The following THSD4 variants were observed in gnomAD, a reference collection of about 807,000 sequenced individuals.
THSD4 encodes the protein thrombospondin type 1 domain containing 4.
THSD4 carries 69 observed loss-of-function variants against 119.0 expected under a neutral mutation model. The observed-to-expected ratio is 0.58, with a 90% confidence interval of 0.48 to 0.71. The LOEUF is 0.71. Among genes scored for constraint, THSD4 ranks in the 30% least tolerant of loss-of-function variants. THSD4 has a pLI of 0.00. For synonymous variants in THSD4, 524 were observed against 540.4 expected, an observed-to-expected ratio of 0.97 and a Z score of 0.42; for missense variants, 1,393 against 1,391.1, an observed-to-expected ratio of 1.00 and a Z score of -0.02.
chr15:71,721,584 C>A (rs1403549418), intron 8 of THSD4, among the ~76,000 whole-genome samples: 2 of 151,858 alleles, frequency 1.3e-5, no homozygotes, highest in Non-Finnish European at 2.9e-5. Context: ...GCAAGAGAAT[C>A]ATTTGAACCC....
intron 14 of THSD4, among the ~76,000 whole-genome samples, chr15:71,751,528 G>T (rs2053448440): frequency 6.6e-6 from 1 of 151,736 alleles, no homozygotes. Context: ...GTATAATTTG[G>T]TCACCTCTTT....
At chr15:71,387,381 T>G (rs2046308500) in intron 6 of THSD4, among the ~76,000 whole-genome samples, 1 of 152,220 alleles carries the variant, frequency 6.6e-6, no homozygotes, top group Non-Finnish European at 1.5e-5. Flanking sequence ...GGGGTTTCAC[T>G]GTAGACAGAC....
chr15:71,510,603 A>C (rs531494204), intron 7 of THSD4, among the ~76,000 whole-genome samples: 4 of 152,170 alleles, frequency 2.6e-5, no homozygotes, highest in Non-Finnish European at 4.4e-5. Flanking sequence ...AACAGCAGGG[A>C]GATGTGGCAA....
At chr15:71,727,240 A>G (rs1178765468) in intron 8 of THSD4, among the ~76,000 whole-genome samples, 1 of 152,054 alleles carries the variant, frequency 6.6e-6, no homozygotes, top group Non-Finnish European at 1.5e-5. Flanking sequence ...TAAATTTGAC[A>G]GTGCACGTGC....
At chr15:71,696,117 C>T (rs910864079) in intron 8 of THSD4, among the ~76,000 whole-genome samples, 1 of 151,960 alleles carries the variant, frequency 6.6e-6, no homozygotes, top group East Asian at 1.9e-4. Flanking sequence ...TTTCTTAGGC[C>T]ATTTTGTGTT....
At chr15:71,326,723 A>G (rs1403476732) in intron 6 of THSD4, among the ~76,000 whole-genome samples, 1 of 96,880 alleles carries the variant, frequency 1.0e-5, no homozygotes, top group African/African-American at 3.4e-5. Flanking sequence ...ATATATATAT[A>G]TATTAGCTGG....
chr15:71,173,465 C>T (rs1157818435), intron 3 of THSD4, among the ~76,000 whole-genome samples: 1 of 151,340 alleles, frequency 6.6e-6, no homozygotes, highest in Non-Finnish European at 1.5e-5. Flanking sequence ...CCTATGGATT[C>T]AATGCAATTC....
At chr15:71,734,814 A>T (rs1383063689) in intron 10 of THSD4, among the ~76,000 whole-genome samples, 1 of 151,620 alleles carries the variant, frequency 6.6e-6, no homozygotes, top group Non-Finnish European at 1.5e-5. Context: ...CTAAAAAAAA[A>T]AAAAAGCCTA....
At chr15:71,474,994 C>T (rs2047636442) in intron 7 of THSD4, among the ~76,000 whole-genome samples, 1 of 152,154 alleles carries the variant, frequency 6.6e-6, no homozygotes, top group Non-Finnish European at 1.5e-5. Flanking sequence ...CATTTCCAGG[C>T]CCACCCCAGA....
In THSD4 at chr15:71,780,591, C is replaced by T. The variant is rs1405831311; in HGVS notation, c.*3217C>T. The T allele has an allele frequency of 4.1e-5, 18 of 441,054 alleles. No individual in the cohort carries two copies. In the East Asian group the frequency reaches 1.1e-3, roughly 26 times the overall value. 27.3% of individuals were successfully genotyped at this position (441,054 alleles called of 1,614,324 possible). A position where few individuals can be genotyped will look rare whatever the true frequency, so the allele number is the denominator to read the frequency against. On this transcript the variant is annotated 3_prime_UTR_variant, in exon 18 of 18. Coordinates refer to ENST00000261862, the MANE Select transcript of THSD4 (RefSeq NM_024817.3). The stretch of plus-strand genomic sequence containing the variant: ...GCCACTAGAGGGAGTCAGTTCAGTT[C>T]CGTAAAGGTATGCTCAGTGCCCGCT...
chr15:71,121,655 G>A (rs2040410281), intron 1 of THSD4, among the ~76,000 whole-genome samples: 3 of 152,134 alleles, frequency 2.0e-5, no homozygotes, highest in Non-Finnish European at 4.4e-5. Flanking sequence ...GGGCTGGGCT[G>A]TGACATCTGT....
Position 71,757,912 on chromosome 15 carries a change from AG to A in THSD4, c.2427del (p.Glu809AspfsTer14). 1 of 1,613,454 alleles carries A rather than the reference AG, an allele frequency of 6.2e-7. No individual in the cohort carries two copies. The highest frequency in any genetic ancestry group is 8.5e-7 in the Non-Finnish European group (1 of 1,179,974). On this transcript the variant is annotated frameshift_variant, in exon 15 of 18. Coordinates refer to ENST00000261862, the MANE Select transcript of THSD4 (RefSeq NM_024817.3). LOFTEE classifies it high-confidence loss of function. Reference sequence around the variant, plus strand: ...TCCCCTGTCTCACAGTGCTCAGCGGAGTGTGGGGCCGGAGTGCGGACACGCT... The same window carrying A: ...TCCCCTGTCTCACAGTGCTCAGCGGATGTGGGGCCGGAGTGCGGACACGCT... ...LTEWSERCSA[E>X]CGAGVRTRSV...
chr15:71,154,842 G>C, intron 2 of THSD4, 21 bp from the exon 3 acceptor site: 1 of 1,613,776 alleles, frequency 6.2e-7, no homozygotes, highest in African/African-American at 1.3e-5. Context: ...CATCCTGCCT[G>C]TTGCTATTTT....
intron 2 of THSD4, among the ~76,000 whole-genome samples, chr15:71,141,997 A>G (rs575520084): frequency 1.3e-5 from 2 of 152,222 alleles, no homozygotes; most frequent in East Asian, 3.9e-4. Context: ...CAGCTATTGG[A>G]GAGGCTGAGG....
intron 7 of THSD4, among the ~76,000 whole-genome samples, chr15:71,454,237 A>G (rs901759055): frequency 2.0e-5 from 3 of 152,214 alleles, no homozygotes; most frequent in Non-Finnish European, 4.4e-5. Context: ...AGCCTAGGTG[A>G]TAGAGTGAGA....
rs1392538693 is a variant in THSD4 at position 71,757,883 on chromosome 15, C to T, written c.2416-19C>T. Reference sequence around the variant, plus strand: ...CTGCCAGGGCCTCCTGACTAATGTGCCCTTCCCCTGTCTCACAGTGCTCAG... The same window carrying T: ...CTGCCAGGGCCTCCTGACTAATGTGTCCTTCCCCTGTCTCACAGTGCTCAG... On this transcript the variant is annotated intron_variant, in intron 14 of 17. Coordinates refer to ENST00000261862, the MANE Select transcript of THSD4 (RefSeq NM_024817.3). 8.7e-6 allele frequency: 14 copies of T among 1,612,344 alleles called. No individual in the cohort carries two copies. The highest frequency in any genetic ancestry group is 1.1e-5 in the Non-Finnish European group (13 of 1,179,866).
chr15:71,312,098 G>T (rs1450039392), intron 6 of THSD4, among the ~76,000 whole-genome samples: 1 of 152,114 alleles, frequency 6.6e-6, no homozygotes, highest in Non-Finnish European at 1.5e-5. Context: ...CTCTGTTCTG[G>T]ACTGTATAGT....
chr15:71,467,147 C>G (rs924797269), intron 7 of THSD4, among the ~76,000 whole-genome samples: 10 of 152,298 alleles, frequency 6.6e-5, no homozygotes, highest in African/African-American at 2.4e-4. Context: ...GTGTCTCTCC[C>G]CAAATCTATT....
chr15:71,141,683 C>T (rs1288385167), intron 2 of THSD4, 127 bp downstream of exon 2: 9 of 1,098,790 alleles, frequency 8.2e-6, no homozygotes, highest in Admixed American at 2.6e-5. Flanking sequence ...TGATATAATA[C>T]GTCCACTTGT....
Sources: allele counts gnomAD v4.1 joint callset (sites outside exome capture counted in the v4.1 genomes callset), GRCh38; gene constraint gnomAD v4.1.1; transcripts MANE v1.5; gene names NCBI Gene and HGNC (gene_info 2026-07-23, HGNC 2026-07-21).